The following TC2N variants were observed in gnomAD, a reference collection of about 807,000 sequenced individuals.
The protein encoded by TC2N is tandem C2 domains, nuclear, also known as tandem C2 domains nuclear protein.
In TC2N, 51 loss-of-function variants were observed where a neutral mutation model predicts 61.9. The ratio of observed to expected loss-of-function variants is 0.82; its 90% CI spans 0.66 to 1.04. The LOEUF (loss-of-function observed/expected upper bound fraction) is 1.04. Ranked by LOEUF, TC2N falls within the 50% of genes least tolerant of loss-of-function variation. The pLI is 0.00. For synonymous variants in TC2N, 204 were observed against 192.6 expected (o/e 1.06, Z -0.49); for missense variants, 556 against 566.7 (o/e 0.98, Z 0.19).
At chr14:91,814,173 G>A (rs1886903066) in intron 1 of TC2N, among the ~76,000 whole-genome samples, 1 of 149,834 alleles carries the variant, frequency 6.7e-6, no homozygotes, top group Non-Finnish European at 1.5e-5. Flanking sequence ...AGAGAGAGAA[G>A]GGACAGTGTG....
rs1885042882 is a variant in TC2N at position 91,780,469 on chromosome 14, C to T, written c.*2631G>A. 1 of 152,180 alleles carries T rather than the reference C, an allele frequency of 6.6e-6. No homozygotes were observed. The highest frequency in any genetic ancestry group is 6.5e-5 in the Admixed American group (1 of 15,280). The allele number at this position is 152,180 out of a possible 1,614,324, so 9.4% of individuals were successfully genotyped here. ...GATGAAACTGATATACTTCAGAGGC[C>T]ATTTCCCTAGGAGTACTGCTTTTAA... On this transcript the variant is annotated 3_prime_UTR_variant, in exon 12 of 12. Transcript: ENST00000435962.
intron 1 of TC2N, among the ~76,000 whole-genome samples, chr14:91,822,545 A>G (rs1887300097): frequency 6.6e-6 from 1 of 152,078 alleles, no homozygotes; most frequent in South Asian, 2.1e-4. Context: ...TGCATGATTC[A>G]ATTTATATAA....
chr14:91,790,622 GATA>G (rs1422295083), intron 9 of TC2N, among the ~76,000 whole-genome samples: 5 of 152,232 alleles, frequency 3.3e-5, no homozygotes, highest in South Asian at 2.1e-4. Flanking sequence ...TTCCAACGCA[GATA>G]ATAATATCTT....
chr14:91,865,888 T>C (rs984373631), intron 1 of TC2N, among the ~76,000 whole-genome samples: 2 of 152,210 alleles, frequency 1.3e-5, no homozygotes, highest in African/African-American at 4.8e-5. Flanking sequence ...TAAAAAGTTA[T>C]TAAAGTTTTA....
chr14:91,810,955 G>A (rs965642270), intron 3 of TC2N, among the ~76,000 whole-genome samples: 3 of 151,612 alleles, frequency 2.0e-5, no homozygotes, highest in Non-Finnish European at 4.4e-5. Context: ...AAAAGAGAGG[G>A]GATAAGACAA....
intron 10 of TC2N, among the ~76,000 whole-genome samples, chr14:91,785,714 A>T (rs1234973019): frequency 6.6e-6 from 1 of 152,090 alleles, no homozygotes; most frequent in Non-Finnish European, 1.5e-5. Flanking sequence ...GGAGGTATTT[A>T]TTTCACAATT....
chr14:91,796,903 T>A (rs1885924483), intron 8 of TC2N, among the ~76,000 whole-genome samples: 1 of 152,154 alleles, frequency 6.6e-6, no homozygotes, highest in South Asian at 2.1e-4. Context: ...CAACCATTCC[T>A]CTGTATGACA....
At chr14:91,822,878 C>T (rs1200821115) in intron 1 of TC2N, among the ~76,000 whole-genome samples, 4 of 151,828 alleles carry the variant, frequency 2.6e-5, no homozygotes, top group Non-Finnish European at 4.4e-5. Flanking sequence ...CCACGCATGG[C>T]TAATTTTTTG....
intron 1 of TC2N, among the ~76,000 whole-genome samples, chr14:91,834,504 T>C (rs187938060): frequency 2.6e-4 from 39 of 152,304 alleles, no homozygotes; most frequent in African/African-American, 9.4e-4. Flanking sequence ...AATCAATGGA[T>C]CGCCTCTCCT....
At chr14:91,835,613 T>C (rs1171586511) in intron 1 of TC2N, among the ~76,000 whole-genome samples, 1 of 152,200 alleles carries the variant, frequency 6.6e-6, no homozygotes, top group Non-Finnish European at 1.5e-5. Context: ...ATCCACAGTA[T>C]CTTCCTCTAA....
intron 6 of TC2N, among the ~76,000 whole-genome samples, chr14:91,798,670 T>TA (rs1358658169): frequency 6.6e-6 from 1 of 151,942 alleles, no homozygotes. Context: ...TCTTTCCAAA[T>TA]AACATTTATA....
At chr14:91,811,278 G>A (rs1186522007) in intron 3 of TC2N, among the ~76,000 whole-genome samples, 1 of 152,074 alleles carries the variant, frequency 6.6e-6, no homozygotes, top group African/African-American at 2.4e-5. Context: ...TGGATAGGTA[G>A]ACAGATATTT....
intron 1 of TC2N, among the ~76,000 whole-genome samples, chr14:91,833,728 T>C (rs1887888465): frequency 6.6e-6 from 1 of 152,186 alleles, no homozygotes; most frequent in Non-Finnish European, 1.5e-5. Flanking sequence ...TATGCATATG[T>C]TTTACTTTCG....
intron 1 of TC2N, among the ~76,000 whole-genome samples, chr14:91,852,591 G>A (rs4904820): frequency 0.53 from 80,850 of 152,092 alleles, 22,531 homozygotes; most frequent in African/African-American, 0.7. Flanking sequence ...GTTGTTTAAA[G>A]CAAATGATCT....
chr14:91,863,772 C>T (rs10129607), intron 1 of TC2N, among the ~76,000 whole-genome samples: 26,850 of 146,960 alleles, frequency 0.18, 2,531 homozygotes, highest in African/African-American at 0.23. Flanking sequence ...GATCACTTGA[C>T]GCCAGGAGCT....
chr14:91,785,450 A>G (rs1327681718), intron 10 of TC2N, 89 bp from the exon 11 acceptor site: 2 of 872,608 alleles, frequency 2.3e-6, no homozygotes, highest in Non-Finnish European at 3.5e-6. Context: ...GAATATATAT[A>G]TATAACATTT....
At chr14:91,817,290 C>G (rs1381079684) in intron 1 of TC2N, among the ~76,000 whole-genome samples, 1 of 151,898 alleles carries the variant, frequency 6.6e-6, no homozygotes, top group Non-Finnish European at 1.5e-5. Context: ...TCCATTACAT[C>G]TTGTGACTAT....
At chr14:91,867,112 G>A (rs1888718905) in intron 1 of TC2N, 150 bp downstream of exon 1, 1 of 152,164 alleles carries the variant, frequency 6.6e-6, no homozygotes. Context: ...TTAGAAGCAG[G>A]AAGCCACATT....
rs758273122 is a variant in TC2N at position 91,812,545 on chromosome 14, A to G, written c.68T>C (p.Phe23Ser). ...CFYGETEKHN[F>S]SVERDFKAAV... ...TGCTTTAAAATCTCTTTCCACAGAA[A>G]CTGCATATAAAAGAAAAAAAAAGTC... Residue 23 changes from phenylalanine (F) to serine (S), a missense_variant and splice_region_variant, in exon 3 of 12, where the codon TTT becomes TCT. By Grantham distance (155) the Phe-to-Ser change is radical. Coordinates refer to ENST00000435962, the MANE Select transcript of TC2N (RefSeq NM_001128596.3). 3 of 1,522,278 alleles carry G rather than the reference A, an allele frequency of 2.0e-6. No individual in the cohort carries two copies. The highest frequency in any genetic ancestry group is 4.5e-5 in the East Asian group (2 of 44,174). 94.3% of individuals were successfully genotyped at this position (1,522,278 alleles called of 1,614,324 possible).
Sources: allele counts gnomAD v4.1 joint callset (sites outside exome capture counted in the v4.1 genomes callset), GRCh38; gene constraint gnomAD v4.1.1; transcripts MANE v1.5; gene names NCBI Gene and HGNC (gene_info 2026-07-23, HGNC 2026-07-21).